POU6F2: variants seen among roughly 807,000 people sequenced by gnomAD.
POU6F2 encodes POU domain, class 6, transcription factor 2.
A neutral mutation model predicts 71.3 loss-of-function variants in POU6F2; 31 were observed. That is an observed-to-expected ratio of 0.43 (90% CI 0.33 to 0.59). The LOEUF (loss-of-function observed/expected upper bound fraction) is 0.59, where lower values mean the gene tolerates loss of function less well. POU6F2 is among the 20% of genes least tolerant of loss of function. The pLI is 0.04. For missense variants in POU6F2, 783 were observed against 856.8 expected (o/e 0.91, Z 1.07); for synonymous variants, 347 against 355.7 (o/e 0.98, Z 0.27).
chr7:39,432,961 A>G, intron 6 of POU6F2, 116 bp from the exon 7 acceptor site: 1 of 979,740 alleles, frequency 1.0e-6, no homozygotes. Flanking sequence ...AGCTGCTTGC[A>G]GATTCTGAGT....
chr7:39,195,876 A>T (rs1329535519), intron 2 of POU6F2, among the ~76,000 whole-genome samples: 7 of 151,748 alleles, frequency 4.6e-5, no homozygotes, highest in Admixed American at 1.3e-4. Flanking sequence ...GAAAACATGG[A>T]CTAGCTCTCC....
chr7:39,047,428 A>G (rs1410933127), intron 1 of POU6F2, among the ~76,000 whole-genome samples: 1 of 151,812 alleles, frequency 6.6e-6, no homozygotes, highest in Non-Finnish European at 1.5e-5. Context: ...TAAATCTTAC[A>G]CTTTGTTAGA....
At chr7:39,042,531 C>G (rs150538690) in intron 1 of POU6F2, among the ~76,000 whole-genome samples, 25 of 152,120 alleles carry the variant, frequency 1.6e-4, no homozygotes, top group Middle Eastern at 3.4e-3. Context: ...GCTGCCAACC[C>G]ATGTTTGACA....
At chr7:38,992,958 C>T (rs1488456793) in intron 1 of POU6F2, among the ~76,000 whole-genome samples, 1 of 151,960 alleles carries the variant, frequency 6.6e-6, no homozygotes, top group Non-Finnish European at 1.5e-5. Context: ...TACAAATTGA[C>T]AAAGTTAATG....
intron 1 of POU6F2, among the ~76,000 whole-genome samples, chr7:39,005,515 T>TGTGTGTGTGTGTGTGTGTGTGTGTGTG (rs1562664683): frequency 4.6e-5 from 7 of 151,034 alleles, no homozygotes; most frequent in Non-Finnish European, 8.9e-5. Flanking sequence ...TGTGTGTGTG[T>TGTGTGTGTGTGTGTGTGTGTGTGTGTG]TTATGTTGTG....
chr7:39,211,861 G>A (rs571096902), intron 4 of POU6F2, among the ~76,000 whole-genome samples: 12 of 152,286 alleles, frequency 7.9e-5, no homozygotes, highest in South Asian at 2.1e-4. Context: ...CCTCCAGGAC[G>A]TTTCTCTACT....
chr7:39,006,480 A>G (rs938544219), intron 1 of POU6F2, among the ~76,000 whole-genome samples: 6 of 152,170 alleles, frequency 3.9e-5, no homozygotes, highest in African/African-American at 9.7e-5. Context: ...ATAAAAAAAA[A>G]TGTAGAGCCT....
intron 4 of POU6F2, among the ~76,000 whole-genome samples, chr7:39,211,848 C>T (rs768613390): frequency 5.3e-5 from 8 of 152,182 alleles, no homozygotes; most frequent in Non-Finnish European, 7.3e-5. Context: ...TCTTCTCCTG[C>T]GCCCTCCAGG....
At chr7:39,225,503 G>A (rs1412949246) in intron 4 of POU6F2, among the ~76,000 whole-genome samples, 1 of 152,056 alleles carries the variant, frequency 6.6e-6, no homozygotes. Context: ...CTACCAAAGG[G>A]AAACCTGGAT....
In POU6F2 at chr7:39,464,689, A is replaced by G; in HGVS notation, c.*3A>G. The G allele has an allele frequency of 6.3e-7, 1 of 1,593,592 alleles. No individual in the cohort carries two copies. The highest frequency in any genetic ancestry group is 8.5e-7 in the Non-Finnish European group (1 of 1,170,996). On this transcript the variant is annotated 3_prime_UTR_variant, in exon 10 of 10. Transcript: ENST00000518318. This position sits in a 1 kb window ranked among gnomAD's most constrained non-coding sequence, Gnocchi z 4.1. ...ACTCTCTGGAAGAAAACTCCTAAAGAGATGCCCACCCATAATCAGAAGCAA... is the reference window on the plus strand; with the variant it reads ...ACTCTCTGGAAGAAAACTCCTAAAGGGATGCCCACCCATAATCAGAAGCAA...
At chr7:39,376,685 C>T (rs996328054) in intron 5 of POU6F2, among the ~76,000 whole-genome samples, 1 of 152,158 alleles carries the variant, frequency 6.6e-6, no homozygotes, top group Admixed American at 6.5e-5. Flanking sequence ...AATTTATTAT[C>T]TACTTGAATA....
intron 4 of POU6F2, among the ~76,000 whole-genome samples, chr7:39,289,301 T>TA (rs1784705293): frequency 6.6e-6 from 1 of 152,232 alleles, no homozygotes; most frequent in African/African-American, 2.4e-5. Flanking sequence ...TGGTCCAGCC[T>TA]TGCTATGAAC....
At chr7:39,365,661 C>T (rs1290282063) in intron 5 of POU6F2, among the ~76,000 whole-genome samples, 1 of 152,124 alleles carries the variant, frequency 6.6e-6, no homozygotes, top group Admixed American at 6.5e-5. Flanking sequence ...TATCCAGAAT[C>T]TACGATGCAC....
At chr7:39,149,495 T>C (rs879330810) in intron 2 of POU6F2, among the ~76,000 whole-genome samples, 3 of 152,248 alleles carry the variant, frequency 2.0e-5, no homozygotes, top group Non-Finnish European at 2.9e-5. Flanking sequence ...AACATATCTG[T>C]CATCTCACAT....
chr7:39,397,384 T>G (rs1191527911), intron 5 of POU6F2, among the ~76,000 whole-genome samples: 1 of 147,542 alleles, frequency 6.8e-6, no homozygotes, highest in Non-Finnish European at 1.5e-5. Context: ...GAGACAAATA[T>G]ATATAGACAA....
chr7:39,349,180 A>G (rs910203956), intron 5 of POU6F2, among the ~76,000 whole-genome samples: 2 of 152,232 alleles, frequency 1.3e-5, no homozygotes, highest in African/African-American at 4.8e-5. Context: ...AACTAAGGCA[A>G]GAGACGAGAA....
intron 5 of POU6F2, among the ~76,000 whole-genome samples, chr7:39,362,756 A>T (rs1339701448): frequency 6.6e-6 from 1 of 152,220 alleles, no homozygotes; most frequent in Non-Finnish European, 1.5e-5. Flanking sequence ...AAGGTGAAAG[A>T]AAGTGCTAGA....
At chr7:38,995,907 C>T (rs765913795) in intron 1 of POU6F2, among the ~76,000 whole-genome samples, 76 of 152,178 alleles carry the variant, frequency 5.0e-4, no homozygotes, top group Non-Finnish European at 8.7e-4. Context: ...TTGTATCTAT[C>T]CTCACATTCT....
chr7:39,028,015 A>G (rs188881308), intron 1 of POU6F2, among the ~76,000 whole-genome samples: 1 of 152,146 alleles, frequency 6.6e-6, no homozygotes, highest in Admixed American at 6.6e-5. Flanking sequence ...GTATAACCCA[A>G]TTATTAATTT....
Sources: allele counts gnomAD v4.1 joint callset (sites outside exome capture counted in the v4.1 genomes callset), GRCh38; gene constraint gnomAD v4.1.1; non-coding constraint Gnocchi (gnomAD v3.1); transcripts MANE v1.5; gene names NCBI Gene and HGNC (gene_info 2026-07-23, HGNC 2026-07-21).